Variants in CEP63 observed in about 807,000 individuals in gnomAD.
CEP63 encodes centrosomal protein of 63 kDa.
Under a neutral mutation model 89.1 loss-of-function variants are expected in CEP63, and 84 were observed. The observed-to-expected ratio is 0.94, with a 90% CI of 0.79 to 1.13. The LOEUF is 1.13. Ranked by LOEUF, CEP63 falls within the 50% of genes most tolerant of loss-of-function variation. CEP63 has a pLI of 0.00. For missense variants in CEP63, 838 were observed against 813.3 expected, an observed-to-expected ratio of 1.03 and a Z score of -0.37; for synonymous variants, 267 against 272.5, an observed-to-expected ratio of 0.98 and a Z score of 0.20.
chr3:134,763,320 T>C, the CEP63 span, among the ~76,000 whole-genome samples: 1 of 152,104 alleles, frequency 6.6e-6, no homozygotes, highest in African/African-American at 2.4e-5. Context: ...TATGAAGGAA[T>C]TGAACATTAT....
chr3:134,585,557 T>C (rs1297459634), intron 10 of CEP63, among the ~76,000 whole-genome samples: 1 of 152,140 alleles, frequency 6.6e-6, no homozygotes, highest in Admixed American at 6.6e-5. Context: ...GTCTGAGAGA[T>C]AGTTTGTTGT....
chr3:134,585,217 T>A (rs1417594503), intron 10 of CEP63, among the ~76,000 whole-genome samples: 1 of 152,096 alleles, frequency 6.6e-6, no homozygotes, highest in Non-Finnish European at 1.5e-5. Context: ...AGTTATTTCT[T>A]GCCTTCTGCT....
intron 1 of CEP63, among the ~76,000 whole-genome samples, chr3:134,488,515 A>C (rs1371492391): frequency 6.6e-6 from 1 of 151,792 alleles, no homozygotes; most frequent in Non-Finnish European, 1.5e-5. Context: ...AGGCTGAGGC[A>C]GGAGAATCAC....
chr3:134,558,047 T>TA, intron 12 of CEP63, 95 bp from the exon 13 acceptor site: 1 of 1,060,080 alleles, frequency 9.4e-7, no homozygotes, highest in Non-Finnish European at 1.5e-6. Context: ...ATTAACTACT[T>TA]ACAACTAAAA....
At position 134,562,010 on chromosome 3, in the gene CEP63, G is replaced by A. The variant is rs543790567; in HGVS notation, c.*475G>A. ...GGGCTTGTTATTTACTGGGCTGGTA[G>A]CCCCTCCTAGCCAAGGGGCTGGTAG... On this transcript the variant is annotated 3_prime_UTR_variant, in exon 15 of 15. Transcript: ENST00000675561. 2.7e-5 allele frequency: 27 copies of A among 1,012,362 alleles called. No homozygotes were observed. In the African/African-American group the frequency reaches 4.7e-4, roughly 18 times the overall value. 62.7% of individuals were successfully genotyped at this position (1,012,362 alleles called of 1,614,324 possible). A position where few individuals can be genotyped will look rare whatever the true frequency, so the allele number is the denominator to read the frequency against.
the CEP63 span, among the ~76,000 whole-genome samples, chr3:134,716,088 A>C: frequency 6.6e-6 from 1 of 152,002 alleles, no homozygotes; most frequent in East Asian, 1.9e-4. Context: ...TTATTGACTC[A>C]ATTTATGTTC....
intron 1 of CEP63, among the ~76,000 whole-genome samples, chr3:134,490,826 T>A (rs1937365529): frequency 6.6e-6 from 1 of 152,194 alleles, no homozygotes; most frequent in South Asian, 2.1e-4. Context: ...TTAGGTAAAA[T>A]GTGCTATTAT....
the CEP63 span, among the ~76,000 whole-genome samples, chr3:134,738,283 CACACA>C: frequency 7.8e-6 from 1 of 127,412 alleles, no homozygotes; most frequent in South Asian, 2.5e-4. Context: ...CACACACACA[CACACA>C]CCACAATATC....
At chr3:134,542,925 A>G (rs1173690935) in intron 6 of CEP63, among the ~76,000 whole-genome samples, 1 of 133,864 alleles carries the variant, frequency 7.5e-6, no homozygotes, top group Non-Finnish European at 1.6e-5. Context: ...TGGCTCAAAG[A>G]ATTAGTGGTT....
chr3:134,593,281 G>A, the CEP63 span, among the ~76,000 whole-genome samples: 3 of 152,130 alleles, frequency 2.0e-5, no homozygotes, highest in African/African-American at 7.2e-5. Context: ...CTGATGCATC[G>A]TGATGGTAGC....
the CEP63 span, among the ~76,000 whole-genome samples, chr3:134,648,067 GCT>G: frequency 6.6e-6 from 1 of 152,244 alleles, no homozygotes; most frequent in Admixed American, 6.5e-5. Context: ...GGGAAGGAAA[GCT>G]CTCGCTCTGG....
chr3:134,603,786 C>T, the CEP63 span: 2 of 1,613,238 alleles, frequency 1.2e-6, no homozygotes, highest in Non-Finnish European at 8.5e-7. Flanking sequence ...ATGGGACATT[C>T]CGGTTGGCAG....
intron 3 of CEP63, among the ~76,000 whole-genome samples, chr3:134,526,729 G>A (rs895262561): frequency 1.3e-4 from 20 of 151,888 alleles, no homozygotes; most frequent in Non-Finnish European, 1.0e-4. Flanking sequence ...ATCTTTGTGG[G>A]CTTACATTCC....
the CEP63 span, among the ~76,000 whole-genome samples, chr3:134,653,930 C>G: frequency 1.3e-5 from 2 of 152,214 alleles, no homozygotes; most frequent in African/African-American, 2.4e-5. Flanking sequence ...ATGCAAGGCT[C>G]TCTGTATTCC....
the CEP63 span, among the ~76,000 whole-genome samples, chr3:134,771,091 G>A: frequency 6.6e-6 from 1 of 152,120 alleles, no homozygotes; most frequent in African/African-American, 2.4e-5. Context: ...TCCATTCTGG[G>A]GTGCTGAGAT....
At position 134,583,660 on chromosome 3, in the gene CEP63, A is replaced by T. The variant is rs575114261; in HGVS notation, c.1207-3798A>T. On this transcript the variant is annotated intron_variant, in intron 10 of 10. Transcript: ENST00000683931. ...TTTGCTTAGGATTGTCTTGGCTATGAGGGCTCTTTTTTGGTTCCATATGAA... is the reference window on the plus strand; with the variant it reads ...TTTGCTTAGGATTGTCTTGGCTATGTGGGCTCTTTTTTGGTTCCATATGAA... 5.1e-3 allele frequency among the ~76,000 whole-genome samples: 776 copies of T among 152,104 alleles called. 7 individuals carry two copies. The highest frequency in any genetic ancestry group is 9.2e-3 in the Admixed American group (141 of 15,272).
chr3:134,770,195 G>C, the CEP63 span, among the ~76,000 whole-genome samples: 1 of 152,208 alleles, frequency 6.6e-6, no homozygotes, highest in African/African-American at 2.4e-5. Flanking sequence ...AATCTCTTGG[G>C]AAGAGGGTAA....
At chr3:134,682,387 T>G in the CEP63 span, among the ~76,000 whole-genome samples, 1 of 151,976 alleles carries the variant, frequency 6.6e-6, no homozygotes, top group Non-Finnish European at 1.5e-5. Flanking sequence ...TTACTAAGAG[T>G]TGCAAATCAT....
chr3:134,619,265 T>C, the CEP63 span: 1 of 1,611,380 alleles, frequency 6.2e-7, no homozygotes, highest in Non-Finnish European at 8.5e-7. Flanking sequence ...AATGTCATAC[T>C]CTATAGGGCA....
Sources: allele counts gnomAD v4.1 joint callset (sites outside exome capture counted in the v4.1 genomes callset), GRCh38; gene constraint gnomAD v4.1.1; transcripts MANE v1.5; gene names NCBI Gene and HGNC (gene_info 2026-07-23, HGNC 2026-07-21).